Variants in WDR44 observed in about 807,000 individuals in gnomAD.
WDR44 encodes the protein WD repeat domain 44.
Under a neutral mutation model 65.7 loss-of-function variants are expected in WDR44, and 9 were observed. That is an observed-to-expected ratio of 0.14 (90% CI 0.08 to 0.24). The LOEUF (loss-of-function observed/expected upper bound fraction) is 0.24. Ranked by LOEUF, WDR44 falls within the 10% of genes least tolerant of loss-of-function variation. The pLI is 1.00. For synonymous variants in WDR44, 220 were observed against 235.2 expected (o/e 0.94, Z 0.59); for missense variants, 425 against 670.9 (o/e 0.63, Z 4.05).
chrX:118,432,730 T>C, intron 12 of WDR44, 51 bp from the exon 13 acceptor site: 1 of 1,053,905 alleles, frequency 9.5e-7, no homozygotes, highest in East Asian at 3.0e-5. Context: ...GGGAAGAATG[T>C]GAAACTAGTT....
At chrX:118,362,573 T>A (rs1602864367) in intron 1 of WDR44, among the ~76,000 whole-genome samples, 1 of 111,472 alleles carries the variant, frequency 9.0e-6, no homozygotes, top group East Asian at 2.9e-4. Flanking sequence ...ACATGTAGTA[T>A]TTGCATTTAA....
intron 1 of WDR44, among the ~76,000 whole-genome samples, chrX:118,368,534 G>T (rs1176085386): frequency 1.1e-5 from 1 of 94,882 alleles, no homozygotes; most frequent in African/African-American, 4.3e-5. Context: ...CCTTGTCTTG[G>T]CTGATACATG....
At chrX:118,440,949 C>CTTTTTTTTTTTTT (rs1214126337) in intron 14 of WDR44, among the ~76,000 whole-genome samples, 1 of 50,368 alleles carries the variant, frequency 2.0e-5, no homozygotes, top group African/African-American at 8.9e-5. Context: ...TAAATGAAAT[C>CTTTTTTTTTTTTT]TTTTTTTTTT....
In WDR44 at chrX:118,392,722, G is replaced by A; in HGVS notation, c.277G>A (p.Ala93Thr). 8.3e-7 allele frequency: 1 copy of A among 1,211,708 alleles called. No homozygotes were observed. ...CAAAGGAAAAGAACTCTCTGATCAA[G>A]CTACTGCCAGTCCTATTGTGGCTAG... ...DSKGKELSDQ[A>T]TASPIVARTD... The change falls in exon 4 of 20, where the codon GCT becomes ACT. Residue 93 changes from alanine to threonine, a missense_variant. Physicochemically the swap from Ala to Thr is moderately conservative, Grantham distance 58 (BLOSUM62 0). Around this residue, in one of 5 missense-constraint regions of WDR44, gnomAD observed 193 missense variants for 209.0 expected, o/e 0.92. Coordinates refer to ENST00000254029, the MANE Select transcript of WDR44 (RefSeq NM_019045.5).
chrX:118,397,119 GT>G lies in WDR44; in HGVS notation c.1190+15del. ...AAGAATATGTAAGGTATGGCCTAAT[GT>G]TGTTATTTGTCATTTCTAGTATTTC... On this transcript the variant is annotated intron_variant, in intron 7 of 19. Coordinates refer to ENST00000254029, the MANE Select transcript of WDR44 (RefSeq NM_019045.5). 8.9e-7 allele frequency: 1 copy of G among 1,128,525 alleles called. No homozygotes were observed. The highest frequency in any genetic ancestry group is 1.2e-6 in the Non-Finnish European group (1 of 856,198). 93.0% of individuals were successfully genotyped at this position (1,128,525 alleles called of 1,213,427 possible). A position where few individuals can be genotyped will look rare whatever the true frequency, so the allele number is the denominator to read the frequency against.
At chrX:118,439,975 C>T (rs2057290002) in intron 14 of WDR44, among the ~76,000 whole-genome samples, 1 of 107,027 alleles carries the variant, frequency 9.3e-6, no homozygotes, top group Non-Finnish European at 1.9e-5. Flanking sequence ...TTAAAATTAG[C>T]CCGGTATGGT....
At chrX:118,426,577 A>G (rs2057158715) in intron 12 of WDR44, among the ~76,000 whole-genome samples, 1 of 110,015 alleles carries the variant, frequency 9.1e-6, no homozygotes, top group Non-Finnish European at 1.9e-5. Context: ...GTGGTGGCAC[A>G]TGCCTGTGGT....
chrX:118,386,417 G>A (rs2056767198), intron 2 of WDR44: 1 of 350,964 alleles, frequency 2.8e-6, no homozygotes, highest in Non-Finnish European at 5.5e-6. Context: ...ATATATATAT[G>A]TACGTATGTG....
At chrX:118,424,933 G>A (rs2057143035) in intron 12 of WDR44, among the ~76,000 whole-genome samples, 1 of 112,007 alleles carries the variant, frequency 8.9e-6, no homozygotes, top group Non-Finnish European at 1.9e-5. Context: ...ATCTCCAAAG[G>A]TAATCAGTTT....
chrX:118,360,833 T>C lies in WDR44; in HGVS notation c.77+14253T>C, dbSNP rs745644069. On this transcript the variant is annotated intron_variant, in intron 1 of 19. Transcript: ENST00000254029. ...TGTAGGGTAATTTCCTGGTGAACCT[T>C]TTGTAGTCACTTTCATGTAAGAAAA... Among the ~76,000 whole-genome samples, 348 of 112,028 alleles carry C rather than the reference T, an allele frequency of 3.1e-3. 1 individual carries two copies. The highest frequency in any genetic ancestry group is 0.011 in the African/African-American group (328 of 30,879).
intron 11 of WDR44, among the ~76,000 whole-genome samples, chrX:118,410,209 T>C (rs149563813): frequency 9.0e-6 from 1 of 111,248 alleles, no homozygotes; most frequent in Non-Finnish European, 1.9e-5. Flanking sequence ...GTGTAATAAG[T>C]TTTTTCCACA....
At chrX:118,415,107 A>G (rs1411077053) in intron 12 of WDR44, among the ~76,000 whole-genome samples, 2 of 111,969 alleles carry the variant, frequency 1.8e-5, no homozygotes, top group Non-Finnish European at 3.8e-5. Flanking sequence ...GATTTTGTCA[A>G]ATGCTTTTTC....
At chrX:118,443,001 G>A (rs975194829) in intron 17 of WDR44, among the ~76,000 whole-genome samples, 7 of 110,753 alleles carry the variant, frequency 6.3e-5, no homozygotes, top group Admixed American at 9.7e-5. Flanking sequence ...GGGGGCTTAC[G>A]GCTCATCCCG....
chrX:118,447,875 A>AT (rs2057358661), intron 19 of WDR44, among the ~76,000 whole-genome samples: 1 of 54,809 alleles, frequency 1.8e-5, no homozygotes, highest in Non-Finnish European at 3.4e-5. Context: ...CTCTATCTAA[A>AT]ATATATATAT....
chrX:118,355,617 T>G (rs1399949658), intron 1 of WDR44, among the ~76,000 whole-genome samples: 1 of 112,436 alleles, frequency 8.9e-6, no homozygotes, highest in Non-Finnish European at 1.9e-5. Flanking sequence ...GTGCCTATTA[T>G]GTCCCAGATC....
At chrX:118,378,531 C>G in intron 2 of WDR44, 79 bp downstream of exon 2, 1 of 1,013,513 alleles carries the variant, frequency 9.9e-7, no homozygotes, top group East Asian at 3.1e-5. Flanking sequence ...TCTTCATTTT[C>G]TTGCTTTTGC....
At chrX:118,414,091 T>C (rs943935738) in intron 12 of WDR44, among the ~76,000 whole-genome samples, 1 of 111,015 alleles carries the variant, frequency 9.0e-6, no homozygotes, top group African/African-American at 3.3e-5. Flanking sequence ...TATGGCCTTA[T>C]AGTTTGAAAT....
chrX:118,351,882 C>G (rs1265258758), intron 1 of WDR44, among the ~76,000 whole-genome samples: 8 of 110,664 alleles, frequency 7.2e-5, no homozygotes, highest in African/African-American at 2.6e-4. Flanking sequence ...GCGGAGGTTA[C>G]AGTGAGCTGT....
At chrX:118,394,002 C>T (rs10127331) in intron 4 of WDR44, 53 bp from the exon 5 acceptor site, 239,889 of 1,110,686 alleles carry the variant, frequency 0.22, 20,599 homozygotes, top group African/African-American at 0.39. Context: ...AGGGTTGTTA[C>T]AAGAATCAAA....
Sources: allele counts gnomAD v4.1 joint callset (sites outside exome capture counted in the v4.1 genomes callset), GRCh38; gene constraint gnomAD v4.1.1; regional missense constraint gnomAD v4.1.1; transcripts MANE v1.5; gene names NCBI Gene and HGNC (gene_info 2026-07-23, HGNC 2026-07-21).